Variants in GOLGA6L2 observed in about 807,000 individuals in gnomAD.
GOLGA6L2 encodes the protein golgin A6 family like 2, also known as golgin subfamily A member 6-like protein 2.
GOLGA6L2 carries 30 observed loss-of-function variants against 35.9 expected under a neutral mutation model. The ratio of observed to expected loss-of-function variants is 0.83; its 90% CI spans 0.62 to 1.13. The LOEUF (loss-of-function observed/expected upper bound fraction) is 1.13, where lower values mean the gene tolerates loss of function less well. Among genes scored for constraint, GOLGA6L2 ranks in the 50% most tolerant of loss-of-function variants. The pLI, the probability that GOLGA6L2 is intolerant of heterozygous loss-of-function variation, is 0.00. For missense variants in GOLGA6L2, 821 were observed against 973.4 expected, an observed-to-expected ratio of 0.84 and a Z score of 2.08; for synonymous variants, 297 against 344.0, an observed-to-expected ratio of 0.86 and a Z score of 1.51.
Position 23,440,690 on chromosome 15 carries a change from TC to T in GOLGA6L2, c.1784del (p.Gly595GlufsTer383). The T allele has an allele frequency of 6.8e-7, 1 of 1,471,648 alleles. No homozygotes were observed. 91.2% of individuals were successfully genotyped at this position (1,471,648 alleles called of 1,614,324 possible). A position where few individuals can be genotyped will look rare whatever the true frequency, so the allele number is the denominator to read the frequency against. ...CTCCTGCTGCCACATCTTCTTCTGC[TC>T]CCGCATTCTCTCCTCCTTCTCCCGC... ...EAAGEGGENA[G>X]AEEDVAAGGE... On this transcript the variant is annotated frameshift_variant, in exon 8 of 8. Coordinates refer to ENST00000567107, the MANE Select transcript of GOLGA6L2 (RefSeq NM_001304388.2). LOFTEE classifies it low-confidence loss of function (END_TRUNC).
At position 23,439,859 on chromosome 15, in the gene GOLGA6L2, A is replaced by ATCC. The variant is rs139919701; in HGVS notation, c.2615_2616insGGA (p.Gly871_Asp872insGlu). ...TCGTATCCTCTCCTCCTTCTCTCGC[A>ATCC]TCTCCTCCTGCCCCCACATCTTCTC... On this transcript the variant is annotated inframe_insertion, in exon 8 of 8. Transcript: ENST00000567107. The ATCC allele has an allele frequency of 4.3e-6, 6 of 1,388,604 alleles. 3 individuals are homozygous for ATCC. The highest frequency in any genetic ancestry group is 4.5e-5 in the African/African-American group (2 of 44,274). 86.0% of individuals were successfully genotyped at this position (1,388,604 alleles called of 1,614,324 possible). A position where few individuals can be genotyped will look rare whatever the true frequency, so the allele number is the denominator to read the frequency against.
Position 23,439,347 on chromosome 15 carries a change from G to A in GOLGA6L2, c.*398C>T, listed in dbSNP as rs547192112. On this transcript the variant is annotated 3_prime_UTR_variant, in exon 8 of 8. Coordinates refer to ENST00000567107, the MANE Select transcript of GOLGA6L2 (RefSeq NM_001304388.2). ...GCTGGTCTTGAACTCCTGACCTCAG[G>A]TGATCCACCCCCTCTAGGTCTCCCA... Among the ~76,000 whole-genome samples the A allele has an allele frequency of 6.6e-6, 1 of 151,902 alleles. No homozygotes were observed. The highest frequency in any genetic ancestry group is 1.5e-5 in the Non-Finnish European group (1 of 67,990).
chr15:23,441,493 TCTC>T lies in GOLGA6L2; in HGVS notation c.979_981del (p.Glu327del), dbSNP rs1264494832. 1.4e-6 allele frequency: 2 copies of T among 1,395,358 alleles called. No individual in the cohort carries two copies. The highest frequency in any genetic ancestry group is 6.0e-5 in the East Asian group (2 of 33,570). The allele number at this position is 1,395,358 out of a possible 1,614,324, so 86.4% of individuals were successfully genotyped here. A position where few individuals can be genotyped will look rare whatever the true frequency, so the allele number is the denominator to read the frequency against. The stretch of plus-strand genomic sequence containing the variant: ...TCCTTCTCCTGCTCCCGCAGCTCCT[TCTC>T]CTGCTCTCGCAGCCTCTTCTCCTGT... On this transcript the variant is annotated inframe_deletion, in exon 8 of 8. Coordinates refer to ENST00000567107, the MANE Select transcript of GOLGA6L2 (RefSeq NM_001304388.2).
chr15:23,444,259 C>T (rs1886722017), intron 3 of GOLGA6L2, 47 bp from the exon 4 acceptor site: 1 of 1,585,696 alleles, frequency 6.3e-7, no homozygotes, highest in African/African-American at 1.3e-5. Context: ...AGGCAGAGAT[C>T]CACAGCAAGA....
At chr15:23,444,101 G>A (rs2070730301) in intron 4 of GOLGA6L2, 28 bp from the exon 5 acceptor site, 4 of 1,586,196 alleles carry the variant, frequency 2.5e-6, no homozygotes, top group Admixed American at 1.8e-5. Context: ...AGCAAGTGCT[G>A]AAAGAGAAGC....
At position 23,440,898 on chromosome 15, in the gene GOLGA6L2, A is replaced by G. The variant is rs74904390; in HGVS notation, c.1577T>C (p.Met526Thr). ...CCACATCTTCTTCTCCTGCCCCCAC[A>G]TCTCCTCCTGGTCCCGTATCTTCTC... ...QEEKIRDQEE[M>T]WGQEKKMWRQ... The change falls in exon 8 of 8, where the codon ATG becomes ACG. Residue 526 changes from methionine to threonine, a missense_variant. This residue lies in a region of GOLGA6L2 where 614 missense variants were observed against 632.3 expected (regional missense o/e 0.97). Coordinates refer to ENST00000567107, the MANE Select transcript of GOLGA6L2 (RefSeq NM_001304388.2). The G allele has an allele frequency of 4.0e-3, 5,406 of 1,352,402 alleles. 279 individuals are homozygous for G. The African/African-American group carries it at 0.1, about 25-fold the overall frequency. The allele number at this position is 1,352,402 out of a possible 1,614,324, so 83.8% of individuals were successfully genotyped here.
intron 1 of GOLGA6L2, among the ~76,000 whole-genome samples, chr15:23,446,095 C>T (rs1357339662): frequency 6.6e-6 from 1 of 152,196 alleles, no homozygotes; most frequent in Non-Finnish European, 1.5e-5. Context: ...TTCCCAAGAT[C>T]TATTCCACAG....
At chr15:23,443,718 C>T (rs2070724540) in intron 5 of GOLGA6L2, 59 bp downstream of exon 5, 1 of 1,320,762 alleles carries the variant, frequency 7.6e-7, no homozygotes, top group Non-Finnish European at 1.1e-6. Flanking sequence ...GACCTTTAGG[C>T]TCATTCCTCC....
chr15:23,444,917 T>G (rs948573582), intron 2 of GOLGA6L2, among the ~76,000 whole-genome samples: 3 of 148,928 alleles, frequency 2.0e-5, no homozygotes, highest in African/African-American at 7.4e-5. Flanking sequence ...GTTTCCATTC[T>G]AGTGAATCTT....
At chr15:23,444,301 G>C (rs775364268) in intron 3 of GOLGA6L2, 89 bp from the exon 4 acceptor site, 66 of 1,508,014 alleles carry the variant, frequency 4.4e-5, no homozygotes, top group Non-Finnish European at 5.4e-5. Context: ...CAATGCCCCA[G>C]GACAGGCGCA....
At chr15:23,444,919 G>A (rs1886746777) in intron 2 of GOLGA6L2, among the ~76,000 whole-genome samples, 1 of 148,698 alleles carries the variant, frequency 6.7e-6, no homozygotes, top group South Asian at 2.2e-4. Flanking sequence ...TTCCATTCTA[G>A]TGAATCTTTA....
chr15:23,439,117 G>C lies in GOLGA6L2; in HGVS notation c.*628C>G, dbSNP rs1456956005. Among the ~76,000 whole-genome samples the C allele has an allele frequency of 6.7e-6, 1 of 148,496 alleles. No individual in the cohort carries two copies. Among genetic ancestry groups the C allele is most frequent in the African/African-American group, 2.5e-5 (1 of 40,688 alleles). ...AGAAAGACCAAGAAGAAAAACAATA[G>C]AAACATACATAGATATCAGAGTCCT... is the stretch of plus-strand genomic sequence containing the variant. On this transcript the variant is annotated 3_prime_UTR_variant, in exon 8 of 8. Transcript: ENST00000567107.
At position 23,439,856 on chromosome 15, in the gene GOLGA6L2, C is replaced by CTCA; in HGVS notation, c.2618_2619insTGA (p.Ala873_Arg874insGlu). 3.7e-6 allele frequency: 4 copies of CTCA among 1,095,164 alleles called. 2 individuals carry two copies. Among genetic ancestry groups the CTCA allele is most frequent in the South Asian group, 3.7e-5 (2 of 53,436 alleles). The allele number at this position is 1,095,164 out of a possible 1,614,324, so 67.8% of individuals were successfully genotyped here. A position where few individuals can be genotyped will look rare whatever the true frequency, so the allele number is the denominator to read the frequency against. On this transcript the variant is annotated inframe_insertion, in exon 8 of 8. Transcript: ENST00000567107. ...ATCTCGTATCCTCTCCTCCTTCTCT[C>CTCA]GCATCTCCTCCTGCCCCCACATCTT...
Position 23,443,956 on chromosome 15 carries a change from A to T in GOLGA6L2, c.412T>A (p.Ser138Thr). 6.4e-7 allele frequency: 1 copy of T among 1,561,140 alleles called. No homozygotes were observed. Among genetic ancestry groups the T allele is most frequent in the South Asian group, 1.2e-5 (1 of 86,030 alleles). ...FEDGNLGTPS[S>T]FNLALSQAFR... ...GCCTGTGAAAGTGCCAGGTTGAAGG[A>T]TGATGGGGTGCCCAGGTTCCCATCT... Residue 138 changes from serine to threonine, a missense_variant, in exon 5 of 8, where the codon TCC becomes ACC. Ser to Thr is a moderately conservative substitution (Grantham distance 58). This residue lies in a region of GOLGA6L2 where 614 missense variants were observed against 632.3 expected (regional missense o/e 0.97). Coordinates refer to ENST00000567107, the MANE Select transcript of GOLGA6L2 (RefSeq NM_001304388.2).
Position 23,441,268 on chromosome 15 carries a change from C to A in GOLGA6L2, c.1207G>T (p.Asp403Tyr). 3 of 1,538,544 alleles carry A rather than the reference C, an allele frequency of 1.9e-6. No individual in the cohort carries two copies. Among genetic ancestry groups the A allele is most frequent in the Non-Finnish European group, 8.7e-7 (1 of 1,146,512 alleles). The change falls in exon 8 of 8, where the codon GAC (aspartate) becomes TAC (tyrosine). Residue 403 changes from aspartate (D) to tyrosine (Y), a missense_variant. This residue lies in a region of GOLGA6L2 where 614 missense variants were observed against 632.3 expected (regional missense o/e 0.97). Transcript: ENST00000567107. ...RDQEERMWEQ[D>Y]ERLREKEERM... is the part of the protein sequence containing the mutation. ...TCCTCCTTCTCCCGTAGCCTCTCGT[C>A]CTGCTCCCACATCCTCTCCTCTTGG...
At position 23,439,229 on chromosome 15, in the gene GOLGA6L2, C is replaced by T. The variant is rs935805685; in HGVS notation, c.*516G>A. On this transcript the variant is annotated 3_prime_UTR_variant, in exon 8 of 8. Coordinates refer to ENST00000567107, the MANE Select transcript of GOLGA6L2 (RefSeq NM_001304388.2). Reference sequence around the variant, plus strand: ...GCGGTGGTGTGATCTTGGCTCACTGCAGCCTCCTGAGTAGCTGTGATTACA... The same window carrying T: ...GCGGTGGTGTGATCTTGGCTCACTGTAGCCTCCTGAGTAGCTGTGATTACA... 1.4e-5 allele frequency among the ~76,000 whole-genome samples: 2 copies of T among 143,560 alleles called. No individual in the cohort carries two copies. The highest frequency in any genetic ancestry group is 7.4e-5 in the Admixed American group (1 of 13,486). 94.2% of individuals were successfully genotyped at this position (143,560 alleles called of 152,430 possible). A position where few individuals can be genotyped will look rare whatever the true frequency, so the allele number is the denominator to read the frequency against.
At position 23,439,678 on chromosome 15, in the gene GOLGA6L2, G is replaced by A; in HGVS notation, c.*67C>T. On this transcript the variant is annotated 3_prime_UTR_variant, in exon 8 of 8. Transcript: ENST00000567107. ...GCTGCATGATCTCCTGTGCAGTGGG[G>A]TTGTCCTGCGGAGAACCCTCCCCAG... The A allele has an allele frequency of 2.0e-6, 3 of 1,537,262 alleles. No individual in the cohort carries two copies. Among genetic ancestry groups the A allele is most frequent in the Non-Finnish European group, 2.6e-6 (3 of 1,147,218 alleles).
At chr15:23,443,044 T>C (rs1278144948) in intron 5 of GOLGA6L2, among the ~76,000 whole-genome samples, 1 of 152,142 alleles carries the variant, frequency 6.6e-6, no homozygotes, top group Admixed American at 6.5e-5. Flanking sequence ...ACAACCTCCA[T>C]AGGAGACGGT....
At chr15:23,442,555 A>G (rs2070707157) in intron 5 of GOLGA6L2, 47 bp from the exon 6 acceptor site, 1 of 1,548,992 alleles carries the variant, frequency 6.5e-7, no homozygotes, top group South Asian at 1.2e-5. Context: ...GCAGAAGAGC[A>G]GCTGGCCGAC....
Sources: gnomAD v4.1 joint callset for allele counts (sites outside exome capture counted in the v4.1 genomes callset) on GRCh38, gnomAD v4.1.1 for gene constraint, gnomAD v4.1.1 regional missense constraint, MANE v1.5 for transcripts, NCBI Gene and HGNC (gene_info 2026-07-23, HGNC 2026-07-21) for gene names.